The following GABPB1 variants were observed in gnomAD, a reference collection of about 807,000 sequenced individuals.
The protein encoded by GABPB1 is GA-binding protein subunit beta-1.
Under a neutral mutation model 45.9 loss-of-function variants are expected in GABPB1, and 15 were observed. That is an observed-to-expected ratio of 0.33 (90% CI 0.22 to 0.50). The LOEUF (loss-of-function observed/expected upper bound fraction) is 0.50, where lower values mean the gene tolerates loss of function less well. GABPB1 is among the 20% of genes least tolerant of loss of function. The pLI is 0.98. For missense variants in GABPB1, 252 were observed against 457.5 expected (o/e 0.55, Z 4.10); for synonymous variants, 143 against 154.4 (o/e 0.93, Z 0.55).
At position 50,300,436 on chromosome 15, in the gene GABPB1, G is replaced by GTTTTTTTTTTTTTTTTTTTTTTTTTT. The variant is rs1297157973; in HGVS notation, c.697+352_697+353insAAAAAAAAAAAAAAAAAAAAAAAAAA. Among the ~76,000 whole-genome samples the GTTTTTTTTTTTTTTTTTTTTTTTTTT allele has an allele frequency of 9.8e-5, 4 of 40,806 alleles. 1 individual carries two copies. Among genetic ancestry groups the GTTTTTTTTTTTTTTTTTTTTTTTTTT allele is most frequent in the Non-Finnish European group, 1.6e-4 (4 of 25,408 alleles). 26.8% of individuals were successfully genotyped at this position (40,806 alleles called of 152,430 possible). A position where few individuals can be genotyped will look rare whatever the true frequency, so the allele number is the denominator to read the frequency against. On this transcript the variant is annotated intron_variant, in intron 6 of 8. Coordinates refer to ENST00000380877, the MANE Select transcript of GABPB1 (RefSeq NM_016654.5). ...ATATTTGAATCTGCAACTGTTTTTG[G>GTTTTTTTTTTTTTTTTTTTTTTTTTT]TTTTTTTTTTTTTTTTTTTTTTTTG...
chr15:50,308,050 T>A (rs2047006480), intron 2 of GABPB1, among the ~76,000 whole-genome samples: 1 of 152,224 alleles, frequency 6.6e-6, no homozygotes, highest in African/African-American at 2.4e-5. Flanking sequence ...TCTCTTTAGC[T>A]GTTTCTAATC....
At chr15:50,330,529 C>G (rs1343897319) in intron 1 of GABPB1, among the ~76,000 whole-genome samples, 1 of 150,560 alleles carries the variant, frequency 6.6e-6, no homozygotes, top group Non-Finnish European at 1.5e-5. Flanking sequence ...ATTCTCCTTC[C>G]TCATCTCATA....
rs2045845771 is a variant in GABPB1, at chr15:50,276,911, TA to T, written c.*1720del. The T allele has an allele frequency of 1.3e-5, 2 of 152,386 alleles. No homozygotes were observed. The highest frequency in any genetic ancestry group is 2.9e-5 in the Non-Finnish European group (2 of 68,040). 9.4% of individuals were successfully genotyped at this position (152,386 alleles called of 1,614,324 possible). A position where few individuals can be genotyped will look rare whatever the true frequency, so the allele number is the denominator to read the frequency against. ...TATTGAAAATATGGCCTGGCATTTTTAAAAACTAGTTTTTGGATCACTTAAA... is the reference window on the plus strand; with the variant it reads ...TATTGAAAATATGGCCTGGCATTTTTAAAACTAGTTTTTGGATCACTTAAA... On this transcript the variant is annotated 3_prime_UTR_variant, in exon 9 of 9. Coordinates refer to ENST00000380877, the MANE Select transcript of GABPB1 (RefSeq NM_016654.5).
At chr15:50,296,847 C>A (rs1283596282) in intron 6 of GABPB1, among the ~76,000 whole-genome samples, 2 of 150,740 alleles carry the variant, frequency 1.3e-5, no homozygotes, top group Non-Finnish European at 2.9e-5. Flanking sequence ...TGAGTATGTG[C>A]AAATTGAGCT....
chr15:50,302,025 T>C (rs1031235548), intron 4 of GABPB1, among the ~76,000 whole-genome samples: 4 of 152,186 alleles, frequency 2.6e-5, no homozygotes, highest in African/African-American at 4.8e-5. Flanking sequence ...AGGAGTCAGA[T>C]AGTCTTAGAA....
At position 50,292,007 on chromosome 15, in the gene GABPB1, C is replaced by T. The variant is rs570890604; in HGVS notation, c.698-2339G>A. On this transcript the variant is annotated intron_variant, in intron 6 of 8. Coordinates refer to ENST00000380877, the MANE Select transcript of GABPB1 (RefSeq NM_016654.5). Reference sequence around the variant, plus strand: ...GGGAAAGATATTCCTGATAGAAAGACATCTAGTTAACATTTAAAAAATGAC... The same window carrying T: ...GGGAAAGATATTCCTGATAGAAAGATATCTAGTTAACATTTAAAAAATGAC... Among the ~76,000 whole-genome samples, 5 of 151,382 alleles carry T rather than the reference C, an allele frequency of 3.3e-5. No individual in the cohort carries two copies. In the East Asian group the frequency reaches 7.8e-4, roughly 24 times the overall value.
At chr15:50,320,169 T>C (rs975705317) in intron 1 of GABPB1, among the ~76,000 whole-genome samples, 2 of 152,226 alleles carry the variant, frequency 1.3e-5, no homozygotes, top group African/African-American at 2.4e-5. Flanking sequence ...TCCTCTTTTT[T>C]TCATTTTACT....
chr15:50,311,194 GGGATGACAGTTCT>G, intron 1 of GABPB1, among the ~76,000 whole-genome samples: 1 of 152,184 alleles, frequency 6.6e-6, no homozygotes, highest in East Asian at 1.9e-4. Flanking sequence ...TCAAATTCAA[GGGATGACAGTTCT>G]GAGAAGAAAG....
At chr15:50,334,696 G>C (rs2048060429) in intron 1 of GABPB1, among the ~76,000 whole-genome samples, 2 of 151,656 alleles carry the variant, frequency 1.3e-5, no homozygotes. Context: ...TTTCTGTACA[G>C]ACAAGGTTTC....
At chr15:50,305,391 G>T (rs569886804) in intron 2 of GABPB1, among the ~76,000 whole-genome samples, 1 of 151,834 alleles carries the variant, frequency 6.6e-6, no homozygotes, top group African/African-American at 2.4e-5. Context: ...CCCAGGCTGG[G>T]GTGCAATGGA....
chr15:50,334,546 C>G (rs114651060), intron 1 of GABPB1, among the ~76,000 whole-genome samples: 2,566 of 111,340 alleles, frequency 0.023, 89 homozygotes, highest in African/African-American at 0.086. Flanking sequence ...CTCATTCTGT[C>G]ACCCAGGCTG....
At chr15:50,329,453 A>G (rs1396451042) in intron 1 of GABPB1, among the ~76,000 whole-genome samples, 2 of 152,188 alleles carry the variant, frequency 1.3e-5, no homozygotes, top group Non-Finnish European at 2.9e-5. Flanking sequence ...CCTACAATAC[A>G]TATCATATGG....
intron 6 of GABPB1, among the ~76,000 whole-genome samples, chr15:50,292,220 A>G (rs1271908908): frequency 1.4e-5 from 2 of 146,688 alleles, no homozygotes; most frequent in Non-Finnish European, 3.0e-5. Flanking sequence ...AGGCTGAGGC[A>G]GGAGAACGGT....
rs2140956313 is a variant in GABPB1, at chr15:50,278,536, C to T, written c.*96G>A. 1.1e-6 allele frequency: 1 copy of T among 914,126 alleles called. No individual in the cohort carries two copies. The highest frequency in any genetic ancestry group is 2.6e-5 in the East Asian group (1 of 37,918). 56.6% of individuals were successfully genotyped at this position (914,126 alleles called of 1,614,324 possible). A position where few individuals can be genotyped will look rare whatever the true frequency, so the allele number is the denominator to read the frequency against. On this transcript the variant is annotated 3_prime_UTR_variant, in exon 9 of 9. Transcript: ENST00000380877. ...ATTATCCATCTGTAGTCTCTTCTAT[C>T]ATTCTGTATTCCCATGGCTGTACCT...
chr15:50,346,733 ATCTG>A (rs904288986), intron 1 of GABPB1, among the ~76,000 whole-genome samples: 7 of 151,492 alleles, frequency 4.6e-5, no homozygotes, highest in Non-Finnish European at 1.0e-4. Context: ...GCTTCTAGAC[ATCTG>A]TCTTTTTGCT....
intron 1 of GABPB1, among the ~76,000 whole-genome samples, chr15:50,337,492 G>C (rs2048192255): frequency 6.6e-6 from 1 of 152,078 alleles, no homozygotes; most frequent in Non-Finnish European, 1.5e-5. Context: ...TGAGTGCAGT[G>C]GTTCACGCCT....
At chr15:50,287,154 T>C (rs773481040) in intron 7 of GABPB1, among the ~76,000 whole-genome samples, 6 of 152,300 alleles carry the variant, frequency 3.9e-5, no homozygotes, top group African/African-American at 1.4e-4. Flanking sequence ...TTAGACTGTC[T>C]GTAAAGTCTA....
chr15:50,278,844 T>C lies in GABPB1; in HGVS notation c.1000-60A>G, dbSNP rs1232601399. On this transcript the variant is annotated intron_variant, in intron 8 of 8. Transcript: ENST00000380877. ...TGCAAAAATACATTATTAATACATA[T>C]AAGCATGCATCCTTCAAATTAAAAA... 11 of 1,293,658 alleles carry C rather than the reference T, an allele frequency of 8.5e-6. No homozygotes were observed. In the African/African-American group the frequency reaches 9.1e-5, roughly 11 times the overall value. 80.1% of individuals were successfully genotyped at this position (1,293,658 alleles called of 1,614,324 possible).
chr15:50,326,184 G>A (rs1595810973), intron 1 of GABPB1, among the ~76,000 whole-genome samples: 1 of 152,032 alleles, frequency 6.6e-6, no homozygotes, highest in East Asian at 1.9e-4. Flanking sequence ...CAAAAGGCAT[G>A]AGCCACCATG....
Sources: gnomAD v4.1 joint callset for allele counts (sites outside exome capture counted in the v4.1 genomes callset) on GRCh38, gnomAD v4.1.1 for gene constraint, MANE v1.5 for transcripts, NCBI Gene and HGNC (gene_info 2026-07-23, HGNC 2026-07-21) for gene names.